Variants in ERN2 observed in about 807,000 individuals in gnomAD.
ERN2 encodes serine/threonine-protein kinase/endoribonuclease IRE2.
In ERN2, 111 loss-of-function variants were observed where a neutral mutation model predicts 107.9. The ratio of observed to expected loss-of-function variants is 1.03; its 90% CI spans 0.88 to 1.20. ERN2 has a LOEUF of 1.20. Ranked by LOEUF, ERN2 falls within the 50% of genes most tolerant of loss-of-function variation. The pLI, the probability that ERN2 is intolerant of heterozygous loss-of-function variation, is 0.00. For missense variants in ERN2, 1,225 were observed against 1,197.9 expected, an observed-to-expected ratio of 1.02 and a Z score of -0.33; for synonymous variants, 524 against 501.7, an observed-to-expected ratio of 1.04 and a Z score of -0.59.
chr16:23,700,696 C>A lies in ERN2; in HGVS notation c.1368G>T (p.Pro456=). Residue 456 remains proline (P), a synonymous_variant, in exon 13 of 22, where the codon CCG becomes CCT. Transcript: ENST00000256797. ...WILFVMRQQQ[P]QVVEKQQETP... is the part of the protein sequence containing the mutation. ...TCTCCTGCTGCTTCTCCACCACCTG[C>A]GGCTGTTGCTGTAACATGAGAGCCT... 1 of 1,612,184 alleles carries A rather than the reference C, an allele frequency of 6.2e-7. No individual in the cohort carries two copies. The highest frequency in any genetic ancestry group is 8.5e-7 in the Non-Finnish European group (1 of 1,179,104).
rs1186862629 is a variant in ERN2 at position 23,706,360 on chromosome 16, C to T, written c.559G>A (p.Ala187Thr). The T allele has an allele frequency of 1.3e-6, 2 of 1,560,748 alleles. No homozygotes were observed. Among genetic ancestry groups the T allele is most frequent in the Non-Finnish European group, 1.7e-6 (2 of 1,156,716 alleles). The change falls in exon 7 of 22, where the codon GCG becomes ACG. Residue 187 changes from alanine to threonine, a missense_variant. Coordinates refer to ENST00000256797, the MANE Select transcript of ERN2 (RefSeq NM_033266.4). ...RWNTTYRRYS[A>T]PPMDGSPGKY... The stretch of plus-strand genomic sequence containing the variant: ...CCAGGTGAGCCATCCATGGGGGGCG[C>T]TGAGTAGCGGCGGTAGGTGGTGTTC...
At chr16:23,710,381 C>T (rs1960490749) in intron 3 of ERN2, 135 bp downstream of exon 3, 18 of 1,176,710 alleles carry the variant, frequency 1.5e-5, no homozygotes, top group Non-Finnish European at 2.0e-5. Flanking sequence ...AGACCCTCCC[C>T]TATATCACAT....
rs147653301 is a variant in ERN2 at position 23,692,075 on chromosome 16, C to T, written c.2264G>A (p.Arg755Gln). The T allele has an allele frequency of 7.1e-5, 114 of 1,613,634 alleles. No individual in the cohort carries two copies. Among genetic ancestry groups the T allele is most frequent in the Non-Finnish European group, 8.1e-5 (95 of 1,180,026 alleles). Residue 755 changes from arginine (R) to glutamine (Q), a missense_variant, in exon 19 of 22, where the codon CGG becomes CAG. Physicochemically the swap from Arg to Gln is conservative, Grantham distance 43 (BLOSUM62 1). Coordinates refer to ENST00000256797, the MANE Select transcript of ERN2 (RefSeq NM_033266.4). Reference protein sequence around the residue: ...EEEVHDKVVARDLVGAMLSPL... With the variant: ...EEEVHDKVVAQDLVGAMLSPL... ...GCTCAACATGGCTCCAACCAGGTCCCGGGCAACCACCTTGTCTGGAGGATG... is the reference window on the plus strand; with the variant it reads ...GCTCAACATGGCTCCAACCAGGTCCTGGGCAACCACCTTGTCTGGAGGATG...
intron 17 of ERN2, among the ~76,000 whole-genome samples, chr16:23,692,734 GTT>G (rs35790259): frequency 6.7e-6 from 1 of 148,534 alleles, no homozygotes. Context: ...AGCTGATTTT[GTT>G]TTTTTTTTTG....
intron 1 of ERN2, 86 bp from the exon 2 acceptor site, chr16:23,711,104 C>A: frequency 1.2e-6 from 1 of 837,234 alleles, no homozygotes; most frequent in Non-Finnish European, 2.0e-6. Flanking sequence ...GGCCATGACT[C>A]CCCTTCCCCC....
At position 23,692,020 on chromosome 16, in the gene ERN2, G is replaced by C. The variant is rs199790295; in HGVS notation, c.2319C>G (p.Pro773=). 1.0e-4 allele frequency: 168 copies of C among 1,613,884 alleles called. 1 individual carries two copies. In the East Asian group the frequency reaches 3.7e-3, roughly 35 times the overall value. ...AAAAGAAGGGGTGGGCCAGCACCTG[G>C]GGGGCAGAGGGGCGTGGCTGCGGCA... ...SPLPQPRPSA[P]QVLAHPFFWS... Residue 773 remains proline, a synonymous_variant, in exon 19 of 22, where the codon CCC becomes CCG. Coordinates refer to ENST00000256797, the MANE Select transcript of ERN2 (RefSeq NM_033266.4).
At chr16:23,699,767 G>A (rs1052034569) in intron 13 of ERN2, among the ~76,000 whole-genome samples, 2 of 152,042 alleles carry the variant, frequency 1.3e-5, no homozygotes, top group East Asian at 1.9e-4. Context: ...GAAAAGATAA[G>A]TGTTTAAAAA....
intron 17 of ERN2, among the ~76,000 whole-genome samples, chr16:23,693,202 G>A (rs1212548650): frequency 6.6e-6 from 1 of 152,018 alleles, no homozygotes; most frequent in Non-Finnish European, 1.5e-5. Context: ...GCTGAGGTGA[G>A]AGGATCCCTT....
intron 4 of ERN2, chr16:23,709,791 C>A (rs1275495311): frequency 1.0e-5 from 2 of 198,118 alleles, no homozygotes; most frequent in Non-Finnish European, 2.1e-5. Context: ...GTGCTGAGCC[C>A]AACCTAAATT....
At position 23,710,520 on chromosome 16, in the gene ERN2, T is replaced by G; in HGVS notation, c.229A>C (p.Thr77Pro). Residue 77 changes from threonine to proline, a missense_variant, in exon 3 of 22, where the codon ACA becomes CCA. Transcript: ENST00000256797. ...AAAGGCCCCAGGTTCACTTACTCTG[T>G]GACGTACATTGGTCCTTCGATGACG... ...DPVIEGPMYVTEMAFLSDPAD... is the reference protein window; with the variant it reads ...DPVIEGPMYVPEMAFLSDPAD... 6.2e-7 allele frequency: 1 copy of G among 1,614,208 alleles called. No homozygotes were observed. Among genetic ancestry groups the G allele is most frequent in the Non-Finnish European group, 8.5e-7 (1 of 1,180,038 alleles).
chr16:23,707,407 GAC>G (rs1960364271), intron 4 of ERN2: 2 of 342,922 alleles, frequency 5.8e-6, no homozygotes, highest in Non-Finnish European at 5.5e-6. Context: ...GGCCTGACCT[GAC>G]CACCTCCTCG....
At chr16:23,696,128 ACTGT>A in intron 13 of ERN2, 150 bp from the exon 14 acceptor site, 1 of 636,996 alleles carries the variant, frequency 1.6e-6, no homozygotes, top group Non-Finnish European at 2.9e-6. Context: ...CAAGTGCCAG[ACTGT>A]CTGGATCCAA....
chr16:23,706,167 G>A (rs1960298246), intron 7 of ERN2, 163 bp downstream of exon 7: 1 of 563,126 alleles, frequency 1.8e-6, no homozygotes, highest in African/African-American at 1.9e-5. Flanking sequence ...TGTTGAGGGA[G>A]TCACTTGGGG....
Position 23,711,011 on chromosome 16 carries a change from G to A in ERN2, c.101C>T (p.Thr34Ile). The change falls in exon 2 of 22, where the codon ACT (threonine) becomes ATT (isoleucine). Residue 34 changes from threonine (T) to isoleucine (I), a missense_variant. Coordinates refer to ENST00000256797, the MANE Select transcript of ERN2 (RefSeq NM_033266.4). ...CAGCAGGAGGTTCTCTGGCCTGAGA[G>A]TATGAACCTGCAAGGGGGTAGAGAC... ...LLGTLSPQVHTLRPENLLLVS... is the reference protein window; with the variant it reads ...LLGTLSPQVHILRPENLLLVS... 6.2e-7 allele frequency: 1 copy of A among 1,612,326 alleles called. No homozygotes were observed. Among genetic ancestry groups the A allele is most frequent in the African/African-American group, 1.3e-5 (1 of 75,026 alleles).
intron 4 of ERN2, among the ~76,000 whole-genome samples, chr16:23,707,896 G>T (rs1186621637): frequency 1.4e-4 from 21 of 152,198 alleles, no homozygotes; most frequent in Non-Finnish European, 2.9e-4. Flanking sequence ...TGCTGGCTAG[G>T]AGTGGAGCTC....
In ERN2 at chr16:23,710,105, C is replaced by T. The variant is rs1298361462; in HGVS notation, c.306+67G>A. ...AGATACTGACCATACTGCCTCTCCA[C>T]CTCTCAGTGCTCCAGCTGACGAAAG... is the stretch of plus-strand genomic sequence containing the variant. On this transcript the variant is annotated intron_variant, in intron 4 of 21. Coordinates refer to ENST00000256797, the MANE Select transcript of ERN2 (RefSeq NM_033266.4). 4.6e-6 allele frequency: 5 copies of T among 1,082,268 alleles called. No homozygotes were observed. In the African/African-American group the frequency reaches 6.2e-5, roughly 13 times the overall value. 67.0% of individuals were successfully genotyped at this position (1,082,268 alleles called of 1,614,324 possible).
intron 8 of ERN2, among the ~76,000 whole-genome samples, chr16:23,704,656 A>G (rs1382689257): frequency 6.6e-6 from 1 of 152,188 alleles, no homozygotes; most frequent in East Asian, 1.9e-4. Context: ...TTACCGTATG[A>G]GTTGCTGAAC....
chr16:23,700,536 C>T lies in ERN2; in HGVS notation c.1525+3G>A. On this transcript the variant is annotated splice_donor_region_variant and intron_variant, in intron 13 of 21. Transcript: ENST00000256797. The stretch of plus-strand genomic sequence containing the variant: ...CTGCCCTGTCTTGTTCACACAGGCT[C>T]ACCTTCAGGGTCGTCGAGTGGCTGG... The T allele has an allele frequency of 6.2e-7, 1 of 1,608,678 alleles. No homozygotes were observed. The highest frequency in any genetic ancestry group is 1.1e-5 in the South Asian group (1 of 90,226).
intron 13 of ERN2, 124 bp from the exon 14 acceptor site, chr16:23,696,102 G>C (rs1959817281): frequency 2.8e-6 from 2 of 704,628 alleles, no homozygotes; most frequent in Non-Finnish European, 5.1e-6. Flanking sequence ...TGGTGCAGTG[G>C]GTAAGAGCAA....
Sources: allele counts gnomAD v4.1 joint callset (sites outside exome capture counted in the v4.1 genomes callset), GRCh38; gene constraint gnomAD v4.1.1; transcripts MANE v1.5; gene names NCBI Gene and HGNC (gene_info 2026-07-23, HGNC 2026-07-21).